The following ERC2 variants were observed in gnomAD, a reference collection of about 807,000 sequenced individuals.
ERC2 encodes the protein ERC protein 2.
ERC2 carries 42 observed loss-of-function variants against 114.8 expected under a neutral mutation model. The observed-to-expected ratio is 0.37, with a 90% CI of 0.29 to 0.47. The LOEUF (loss-of-function observed/expected upper bound fraction) is 0.47, where lower values mean the gene tolerates loss of function less well. ERC2 is among the 20% of genes least tolerant of loss of function. The pLI is 0.99. For synonymous variants in ERC2, 454 were observed against 425.5 expected, an observed-to-expected ratio of 1.07 and a Z score of -0.82; for missense variants, 939 against 1,150.7, an observed-to-expected ratio of 0.82 and a Z score of 2.66.
chr3:55,974,495 T>G (rs1462042167), intron 12 of ERC2, among the ~76,000 whole-genome samples: 3 of 152,238 alleles, frequency 2.0e-5, no homozygotes, highest in Non-Finnish European at 2.9e-5. Flanking sequence ...CTAATCACAC[T>G]GTGTGGGGCC....
At chr3:56,171,328 C>A (rs1222713536) in intron 4 of ERC2, among the ~76,000 whole-genome samples, 1 of 152,188 alleles carries the variant, frequency 6.6e-6, no homozygotes, top group African/African-American at 2.4e-5. Flanking sequence ...CCAGCTGCCT[C>A]CCTAACTCAA....
intron 13 of ERC2, among the ~76,000 whole-genome samples, chr3:55,914,704 A>G (rs1218625743): frequency 6.6e-6 from 1 of 152,178 alleles, no homozygotes; most frequent in Non-Finnish European, 1.5e-5. Context: ...TCCAACCAGC[A>G]GATGTAAACA....
At chr3:56,049,058 C>A (rs888227450) in intron 7 of ERC2, among the ~76,000 whole-genome samples, 28 of 152,184 alleles carry the variant, frequency 1.8e-4, no homozygotes, top group African/African-American at 6.7e-4. Flanking sequence ...CAAAGGGGGG[C>A]AGGCAGTACA....
intron 17 of ERC2, among the ~76,000 whole-genome samples, chr3:55,604,382 T>C (rs919546617): frequency 6.6e-6 from 1 of 152,154 alleles, no homozygotes; most frequent in African/African-American, 2.4e-5. Flanking sequence ...TATTAACCAG[T>C]GGAGAGAGTA....
chr3:56,241,749 A>G, intron 3 of ERC2, among the ~76,000 whole-genome samples: 1 of 152,164 alleles, frequency 6.6e-6, no homozygotes, highest in African/African-American at 2.4e-5. Flanking sequence ...GTTGGCATAA[A>G]AAAGCACACA....
chr3:56,309,689 CT>C (rs2056429221), intron 2 of ERC2, among the ~76,000 whole-genome samples: 1 of 152,216 alleles, frequency 6.6e-6, no homozygotes, highest in South Asian at 2.1e-4. Context: ...TTGTAACTCA[CT>C]ACAGGGTTCA....
intron 4 of ERC2, among the ~76,000 whole-genome samples, chr3:56,154,805 T>C (rs191678560): frequency 4.6e-5 from 7 of 152,282 alleles, no homozygotes; most frequent in Non-Finnish European, 7.4e-5. Context: ...GTATAATGCA[T>C]ACAAAGTGCC....
intron 2 of ERC2, among the ~76,000 whole-genome samples, chr3:56,418,804 A>G (rs770563276): frequency 5.9e-5 from 9 of 152,162 alleles, no homozygotes; most frequent in Middle Eastern, 3.2e-3. Flanking sequence ...GGCCTTCCCC[A>G]ACTCCCCCAT....
At chr3:56,397,348 TAA>T (rs57041870) in intron 2 of ERC2, among the ~76,000 whole-genome samples, 34,861 of 137,166 alleles carry the variant, frequency 0.25, 4,324 homozygotes, top group Admixed American at 0.3. Context: ...ATATCTGTCT[TAA>T]AAAAAAAAAA....
chr3:56,303,751 G>C (rs563604486), intron 2 of ERC2, among the ~76,000 whole-genome samples: 6 of 152,312 alleles, frequency 3.9e-5, no homozygotes, highest in African/African-American at 1.2e-4. Flanking sequence ...GATTCTTCTA[G>C]CAAGCCCATA....
intron 14 of ERC2, among the ~76,000 whole-genome samples, chr3:55,752,163 T>C (rs2066744949): frequency 6.6e-6 from 1 of 152,222 alleles, no homozygotes; most frequent in Non-Finnish European, 1.5e-5. Flanking sequence ...CAATCAGTTA[T>C]GGCCTGATTT....
chr3:56,090,423 G>T (rs2077723562), intron 6 of ERC2, among the ~76,000 whole-genome samples: 1 of 146,788 alleles, frequency 6.8e-6, no homozygotes, highest in African/African-American at 2.6e-5. Context: ...TAGTGTTAGG[G>T]ATATAGCCTT....
At chr3:55,934,816 T>C (rs1259653620) in intron 13 of ERC2, among the ~76,000 whole-genome samples, 2 of 152,202 alleles carry the variant, frequency 1.3e-5, no homozygotes, top group African/African-American at 4.8e-5. Flanking sequence ...TTTTCTGCAG[T>C]ATAGAAGGAG....
At chr3:56,230,606 C>T (rs188347130) in intron 3 of ERC2, among the ~76,000 whole-genome samples, 4 of 151,984 alleles carry the variant, frequency 2.6e-5, no homozygotes, top group African/African-American at 9.6e-5. Flanking sequence ...AGGGTATTCC[C>T]TTAGAATTCT....
chr3:56,327,604 A>C (rs1357204914), intron 2 of ERC2, among the ~76,000 whole-genome samples: 1 of 152,156 alleles, frequency 6.6e-6, no homozygotes, highest in African/African-American at 2.4e-5. Flanking sequence ...TGAACCAGGG[A>C]GGCGTAGGTT....
At chr3:55,930,467 G>T (rs545884009) in intron 13 of ERC2, among the ~76,000 whole-genome samples, 2 of 152,112 alleles carry the variant, frequency 1.3e-5, no homozygotes, top group Non-Finnish European at 2.9e-5. Context: ...ACAACCATCT[G>T]ATCTTTGACA....
chr3:55,678,191 A>G (rs2061901441), intron 17 of ERC2, among the ~76,000 whole-genome samples: 1 of 152,224 alleles, frequency 6.6e-6, no homozygotes, highest in Non-Finnish European at 1.5e-5. Flanking sequence ...GGAAGTAGGC[A>G]GAGACATTGT....
chr3:56,218,331 A>G (rs535669625), intron 3 of ERC2, among the ~76,000 whole-genome samples: 1 of 152,372 alleles, frequency 6.6e-6, no homozygotes, highest in African/African-American at 2.4e-5. Flanking sequence ...TGGGTGAAGG[A>G]CATGAACAGA....
chr3:55,974,497 T>C (rs1034389646), intron 12 of ERC2, among the ~76,000 whole-genome samples: 4 of 152,232 alleles, frequency 2.6e-5, no homozygotes, highest in African/African-American at 9.6e-5. Flanking sequence ...AATCACACTG[T>C]GTGGGGCCAT....
Sources: allele counts gnomAD v4.1 joint callset (sites outside exome capture counted in the v4.1 genomes callset), GRCh38; gene constraint gnomAD v4.1.1; transcripts MANE v1.5; gene names NCBI Gene and HGNC (gene_info 2026-07-23, HGNC 2026-07-21).